The following CARF variants were observed in gnomAD, a reference collection of about 807,000 sequenced individuals.
CARF encodes calcium responsive transcription factor, also known as calcium-responsive transcription factor.
Under a neutral mutation model 82.0 loss-of-function variants are expected in CARF, and 57 were observed. That is an observed-to-expected ratio of 0.70 (90% CI 0.56 to 0.87). The LOEUF (loss-of-function observed/expected upper bound fraction) is 0.87, where lower values mean the gene tolerates loss of function less well. Ranked by LOEUF, CARF falls within the 40% of genes least tolerant of loss-of-function variation. The pLI, the probability that CARF is intolerant of heterozygous loss-of-function variation, is 0.00. For missense variants in CARF, 771 were observed against 855.8 expected (o/e 0.90, Z 1.24); for synonymous variants, 268 against 290.1 (o/e 0.92, Z 0.77).
chr2:202,972,959 A>C (rs999945611), intron 12 of CARF, among the ~76,000 whole-genome samples: 3 of 152,124 alleles, frequency 2.0e-5, no homozygotes, highest in East Asian at 1.9e-4. Context: ...TTTTTGTAAA[A>C]GAAGCAGGGG....
In CARF at chr2:202,986,868, G is replaced by GTATATATA. The variant is rs67693134; in HGVS notation, c.*3277_*3284dup. The stretch of plus-strand genomic sequence containing the variant: ...AAAGAGGTTTAAAAAATGTCTGTGC[G>GTATATATA]TATATATATATATATATATATATAT... On this transcript the variant is annotated 3_prime_UTR_variant, in exon 17 of 17. Transcript: ENST00000438828. 98 of 29,622 alleles carry GTATATATA rather than the reference G, an allele frequency of 3.3e-3. No homozygotes were observed. The highest frequency in any genetic ancestry group is 3.9e-3 in the Non-Finnish European group (42 of 10,726). 1.8% of individuals were successfully genotyped at this position (29,622 alleles called of 1,614,324 possible). A position where few individuals can be genotyped will look rare whatever the true frequency, so the allele number is the denominator to read the frequency against.
chr2:202,938,709 A>T (rs1182937075), intron 3 of CARF, among the ~76,000 whole-genome samples: 1 of 150,100 alleles, frequency 6.7e-6, no homozygotes, highest in Non-Finnish European at 1.5e-5. Flanking sequence ...GGAAAAAAAT[A>T]GTTTGGATCA....
chr2:202,917,066 C>G (rs914149722), intron 1 of CARF, among the ~76,000 whole-genome samples: 1 of 151,710 alleles, frequency 6.6e-6, no homozygotes, highest in African/African-American at 2.4e-5. Flanking sequence ...AAAAAATTAG[C>G]CGGGCGTAGT....
chr2:202,941,627 T>G (rs1417733133), intron 3 of CARF, among the ~76,000 whole-genome samples: 1 of 152,186 alleles, frequency 6.6e-6, no homozygotes, highest in African/African-American at 2.4e-5. Flanking sequence ...GAAGTGTAGT[T>G]AAAGATAGGA....
intron 8 of CARF, 22 bp downstream of exon 8, chr2:202,955,780 C>T: frequency 3.8e-6 from 6 of 1,563,856 alleles, no homozygotes; most frequent in Non-Finnish European, 5.3e-6. Context: ...ATAATCATTA[C>T]CTAGAATTAC....
intron 1 of CARF, among the ~76,000 whole-genome samples, chr2:202,916,943 G>T (rs1689786229): frequency 6.6e-6 from 1 of 152,088 alleles, no homozygotes; most frequent in Non-Finnish European, 1.5e-5. Context: ...GGGCGCGGTG[G>T]CTCACGCCTG....
Position 202,912,707 on chromosome 2 carries a change from G to A in CARF, c.-725G>A, listed in dbSNP as rs1451594582. On this transcript the variant is annotated 5_prime_UTR_variant, in exon 1 of 17. Transcript: ENST00000438828. ...AGGAGGAGGTTAGGTGTCTTCAGGA[G>A]GGTTGCTGAGCCCAAGGACGCGCCA... The A allele has an allele frequency of 3.3e-5, 5 of 151,420 alleles. No homozygotes were observed. The highest frequency in any genetic ancestry group is 4.0e-4 in the East Asian group (2 of 5,036). The allele number at this position is 151,420 out of a possible 1,614,324, so 9.4% of individuals were successfully genotyped here.
At chr2:202,975,043 G>T (rs2059968171) in intron 13 of CARF, among the ~76,000 whole-genome samples, 2 of 152,164 alleles carry the variant, frequency 1.3e-5, no homozygotes, top group East Asian at 3.8e-4. Context: ...AGGCACAGTG[G>T]CTTGTGCCTG....
intron 3 of CARF, among the ~76,000 whole-genome samples, chr2:202,932,216 A>C (rs185395372): frequency 2.0e-5 from 3 of 152,140 alleles, no homozygotes; most frequent in Admixed American, 2.0e-4. Flanking sequence ...ACCAGGCCCC[A>C]CCTCCAACAT....
At chr2:202,960,712 G>A (rs531578215) in intron 8 of CARF, among the ~76,000 whole-genome samples, 10 of 122,322 alleles carry the variant, frequency 8.2e-5, no homozygotes, top group African/African-American at 1.9e-4. Context: ...CCACCTTCCC[G>A]CCTTCCCGCC....
intron 3 of CARF, among the ~76,000 whole-genome samples, chr2:202,928,130 AC>A (rs559658311): frequency 2.6e-5 from 4 of 151,676 alleles, no homozygotes; most frequent in Non-Finnish European, 2.9e-5. Context: ...TCCCTTCCCT[AC>A]CCTACCCTTC....
intron 5 of CARF, among the ~76,000 whole-genome samples, chr2:202,951,687 G>GA (rs1199505419): frequency 6.6e-6 from 1 of 151,880 alleles, no homozygotes; most frequent in Non-Finnish European, 1.5e-5. Flanking sequence ...TTGTTAAACT[G>GA]AAAAAAAGTA....
intron 7 of CARF, among the ~76,000 whole-genome samples, chr2:202,955,298 C>G (rs2058984867): frequency 6.6e-6 from 1 of 152,094 alleles, no homozygotes; most frequent in Non-Finnish European, 1.5e-5. Context: ...TTCACTTGAT[C>G]TTAGCCAAAA....
At chr2:202,933,006 C>T (rs1429767514) in intron 3 of CARF, among the ~76,000 whole-genome samples, 1 of 152,082 alleles carries the variant, frequency 6.6e-6, no homozygotes, top group East Asian at 1.9e-4. Flanking sequence ...TCTGGGAGGC[C>T]CAGGCATCAT....
intron 1 of CARF, among the ~76,000 whole-genome samples, chr2:202,913,392 T>C (rs1376186695): frequency 6.6e-6 from 1 of 152,238 alleles, no homozygotes; most frequent in Non-Finnish European, 1.5e-5. Context: ...GCCACACTTT[T>C]ATCAACTATA....
At chr2:202,975,852 C>T (rs1574785843) in intron 13 of CARF, among the ~76,000 whole-genome samples, 1 of 152,028 alleles carries the variant, frequency 6.6e-6, no homozygotes, top group Middle Eastern at 3.4e-3. Flanking sequence ...CGAGACCAGC[C>T]TGGCCAACAC....
chr2:202,956,359 G>A (rs936328218), intron 8 of CARF, among the ~76,000 whole-genome samples: 1 of 151,988 alleles, frequency 6.6e-6, no homozygotes, highest in Admixed American at 6.6e-5. Flanking sequence ...GGGTTCAAGC[G>A]ATTCTTGTGC....
rs200318504 is a variant in CARF, at chr2:202,977,317, G to A, written c.1543G>A (p.Val515Ile). ...SGNILKETMT[V>I]TFAEGNSPGE... ...GAATATTCTCAAAGAGACCATGACA[G>A]TTACATTTGCAGAAGGTAGGTTTTC... The change falls in exon 14 of 17, where the codon GTT becomes ATT. Residue 515 changes from valine (V) to isoleucine (I), a missense_variant. By Grantham distance (29) the Val-to-Ile change is conservative. Coordinates refer to ENST00000438828, the MANE Select transcript of CARF (RefSeq NM_024744.17). 5.0e-6 allele frequency: 8 copies of A among 1,611,624 alleles called. No homozygotes were observed. The highest frequency in any genetic ancestry group is 6.8e-6 in the Non-Finnish European group (8 of 1,178,438).
rs1485744707 is a variant in CARF, at chr2:202,952,594, A to T, written c.342A>T (p.Val114=). 6.2e-7 allele frequency: 1 copy of T among 1,613,756 alleles called. No homozygotes were observed. Among genetic ancestry groups the T allele is most frequent in the Admixed American group, 1.7e-5 (1 of 59,978 alleles). ...IVASPTENGQ[V]LRVIPPTQTG... is the part of the protein sequence containing the mutation. The stretch of plus-strand genomic sequence containing the variant: ...CCAGCCCAACAGAAAATGGACAGGT[A>T]CTTCGTGTAATTCCACCTACCCAGA... Residue 114 remains valine (V), a synonymous_variant, in exon 6 of 17, where the codon GTA becomes GTT. Coordinates refer to ENST00000438828, the MANE Select transcript of CARF (RefSeq NM_024744.17).
Sources: allele counts gnomAD v4.1 joint callset (sites outside exome capture counted in the v4.1 genomes callset), GRCh38; gene constraint gnomAD v4.1.1; transcripts MANE v1.5; gene names NCBI Gene and HGNC (gene_info 2026-07-23, HGNC 2026-07-21).